Variants in ANKRD28 observed in about 807,000 individuals in gnomAD.
ANKRD28 encodes the protein serine/threonine-protein phosphatase 6 regulatory ankyrin repeat subunit A.
ANKRD28 carries 44 observed loss-of-function variants against 126.5 expected under a neutral mutation model. The observed-to-expected ratio is 0.35, with a 90% confidence interval of 0.27 to 0.45. ANKRD28 has a LOEUF of 0.45. Among genes scored for constraint, ANKRD28 ranks in the 20% least tolerant of loss-of-function variants. The probability of loss-of-function intolerance (pLI) is 1.00; values close to 1 mark genes in which losing one functional copy is unlikely to be tolerated. For missense variants in ANKRD28, 1,110 were observed against 1,316.6 expected (o/e 0.84, Z 2.43); for synonymous variants, 442 against 468.5 (o/e 0.94, Z 0.73).
chr3:15,766,817 C>T (rs1487847828), intron 2 of ANKRD28, among the ~76,000 whole-genome samples: 1 of 152,064 alleles, frequency 6.6e-6, no homozygotes, highest in African/African-American at 2.4e-5. Context: ...AAAGAAATAG[C>T]AACACTTTCT....
intron 3 of ANKRD28, among the ~76,000 whole-genome samples, chr3:15,760,608 G>GTAT (rs1412199516): frequency 1.3e-5 from 2 of 152,138 alleles, no homozygotes; most frequent in African/African-American, 4.8e-5. Context: ...GAATTCATGA[G>GTAT]CTACTCTATA....
chr3:15,761,025 T>G (rs2058430229), intron 3 of ANKRD28, among the ~76,000 whole-genome samples: 1 of 152,174 alleles, frequency 6.6e-6, no homozygotes, highest in Non-Finnish European at 1.5e-5. Context: ...AGGAAATGAC[T>G]CTAAAATAAT....
At chr3:15,679,420 A>G in intron 22 of ANKRD28, 36 bp from the exon 23 acceptor site, 2 of 1,612,896 alleles carry the variant, frequency 1.2e-6, no homozygotes, top group Non-Finnish European at 1.7e-6. Context: ...TCTCACAGCA[A>G]TGGTGTATTT....
Position 15,797,297 on chromosome 3 carries a change from T to C in ANKRD28, c.-776A>G. The C allele has an allele frequency of 2.0e-6, 2 of 985,252 alleles. No individual in the cohort carries two copies. Among genetic ancestry groups the C allele is most frequent in the Non-Finnish European group, 2.4e-6 (2 of 829,900 alleles). 61.0% of individuals were successfully genotyped at this position (985,252 alleles called of 1,614,324 possible). A position where few individuals can be genotyped will look rare whatever the true frequency, so the allele number is the denominator to read the frequency against. On this transcript the variant is annotated 5_prime_UTR_variant, in exon 1 of 28. Coordinates refer to ENST00000683139, the MANE Select transcript of ANKRD28 (RefSeq NM_001349278.2). ...AGACCACAAGAGACAATACGACTCT[T>C]GGTACTAGAATACAGCTTGATTAAT...
intron 2 of ANKRD28, among the ~76,000 whole-genome samples, chr3:15,785,312 A>G (rs189895236): frequency 5.3e-5 from 8 of 152,208 alleles, no homozygotes; most frequent in African/African-American, 1.9e-4. Flanking sequence ...TTTCCAAAAG[A>G]CCTATCAGAT....
intron 7 of ANKRD28, among the ~76,000 whole-genome samples, chr3:15,722,301 T>G (rs1267882132): frequency 6.6e-6 from 1 of 152,090 alleles, no homozygotes; most frequent in Non-Finnish European, 1.5e-5. Flanking sequence ...AAACCGAAAA[T>G]GAAGCTCAGG....
At chr3:15,688,722 G>C (rs1033636349) in intron 18 of ANKRD28, among the ~76,000 whole-genome samples, 8 of 152,218 alleles carry the variant, frequency 5.3e-5, no homozygotes, top group African/African-American at 1.7e-4. Flanking sequence ...AAAATAGAGA[G>C]TTGTGAATCT....
intron 16 of ANKRD28, 115 bp from the exon 17 acceptor site, chr3:15,694,928 T>C (rs1319987538): frequency 1.0e-6 from 1 of 959,062 alleles, no homozygotes. Context: ...AGCAAACTTA[T>C]AAAACATGAT....
In ANKRD28 at chr3:15,797,309, A is replaced by G. The variant is rs2060323496; in HGVS notation, c.-788T>C. The G allele has an allele frequency of 1.0e-6, 1 of 985,256 alleles. No homozygotes were observed. The highest frequency in any genetic ancestry group is 4.7e-5 in the South Asian group (1 of 21,294). 61.0% of individuals were successfully genotyped at this position (985,256 alleles called of 1,614,324 possible). On this transcript the variant is annotated 5_prime_UTR_variant, in exon 1 of 28. Coordinates refer to ENST00000683139, the MANE Select transcript of ANKRD28 (RefSeq NM_001349278.2). ...ACAATACGACTCTTGGTACTAGAAT[A>G]CAGCTTGATTAATCCAGGTTTCCCA... is the stretch of plus-strand genomic sequence containing the variant.
intron 2 of ANKRD28, among the ~76,000 whole-genome samples, chr3:15,774,096 A>T (rs555945093): frequency 1.3e-5 from 2 of 152,322 alleles, no homozygotes; most frequent in Admixed American, 6.5e-5. Context: ...ATCACATGCC[A>T]CAAAATTAAC....
chr3:15,854,420 C>T lies in ANKRD28; in HGVS notation c.27+4957G>A, dbSNP rs1378082213. The stretch of plus-strand genomic sequence containing the variant: ...ACTTCTGGTGAACCTAAAATACCTC[C>T]CCTGCCATGAGGGTTTCCCTCCACT... On this transcript the variant is annotated intron_variant, in intron 1 of 27. Coordinates refer to the ANKRD28 transcript ENST00000399451. This position sits in a 1 kb window ranked among gnomAD's most constrained non-coding sequence, Gnocchi z 4.1. Among the ~76,000 whole-genome samples the T allele has an allele frequency of 6.6e-6, 1 of 152,116 alleles. No individual in the cohort carries two copies. Among genetic ancestry groups the T allele is most frequent in the African/African-American group, 2.4e-5 (1 of 41,408 alleles).
chr3:15,851,925 T>G (rs191865837), intron 1 of ANKRD28, among the ~76,000 whole-genome samples: 1 of 152,172 alleles, frequency 6.6e-6, no homozygotes, highest in Non-Finnish European at 1.5e-5. Flanking sequence ...ATCCATACAA[T>G]GGAATATTAT....
intron 14 of ANKRD28, among the ~76,000 whole-genome samples, chr3:15,705,699 GC>G (rs1348741241): frequency 2.6e-5 from 4 of 152,000 alleles, no homozygotes; most frequent in South Asian, 2.1e-4. Context: ...CATTACTATT[GC>G]CTTTAAGATT....
intron 1 of ANKRD28, among the ~76,000 whole-genome samples, chr3:15,810,654 C>T (rs185496125): frequency 1.3e-4 from 19 of 150,480 alleles, no homozygotes; most frequent in African/African-American, 4.4e-4. Flanking sequence ...AGCATCAACA[C>T]TACATGAGTT....
At chr3:15,807,653 C>T (rs531588786) in intron 1 of ANKRD28, among the ~76,000 whole-genome samples, 23 of 152,206 alleles carry the variant, frequency 1.5e-4, no homozygotes, top group Non-Finnish European at 3.2e-4. Flanking sequence ...ACTAGAATAC[C>T]TTCAAGAAGG....
At chr3:15,689,368 G>C (rs1005957134) in intron 18 of ANKRD28, among the ~76,000 whole-genome samples, 1 of 152,192 alleles carries the variant, frequency 6.6e-6, no homozygotes, top group Non-Finnish European at 1.5e-5. Flanking sequence ...CAGTAGGTGT[G>C]ACATAGAATT....
Position 15,796,443 on chromosome 3 carries a change from T to C in ANKRD28, c.79A>G (p.Asn27Asp), listed in dbSNP as rs2060277808. ...PAFISKLPQENKSLHSPPSGN... is the reference protein window; with the variant it reads ...PAFISKLPQEDKSLHSPPSGN... ...GAAGGTGGAGAATGTAGGGATTTAT[T>C]TTCCTGTGGCAATTTAGAAATGAAT... The change falls in exon 1 of 28, where the codon AAT (asparagine) becomes GAT (aspartate). Residue 27 changes from asparagine (N) to aspartate (D), a missense_variant. By Grantham distance (23) the Asn-to-Asp change is conservative. Transcript: ENST00000683139. 1 of 1,288,494 alleles carries C rather than the reference T, an allele frequency of 7.8e-7. No homozygotes were observed. The highest frequency in any genetic ancestry group is 1.2e-5 in the South Asian group (1 of 80,902). The allele number at this position is 1,288,494 out of a possible 1,614,324, so 79.8% of individuals were successfully genotyped here.
chr3:15,791,106 A>T (rs2060002669), intron 2 of ANKRD28, among the ~76,000 whole-genome samples: 1 of 152,162 alleles, frequency 6.6e-6, no homozygotes, highest in South Asian at 2.1e-4. Context: ...ACAATAAAAC[A>T]CGAATGAAGA....
chr3:15,810,947 G>GCCT (rs1339044661), intron 1 of ANKRD28, among the ~76,000 whole-genome samples: 4 of 152,118 alleles, frequency 2.6e-5, no homozygotes, highest in African/African-American at 9.7e-5. Flanking sequence ...GGCAAACCAA[G>GCCT]CCTACTGTGA....
Sources: allele counts gnomAD v4.1 joint callset (sites outside exome capture counted in the v4.1 genomes callset), GRCh38; gene constraint gnomAD v4.1.1; non-coding constraint Gnocchi (gnomAD v3.1); transcripts MANE v1.5; gene names NCBI Gene and HGNC (gene_info 2026-07-23, HGNC 2026-07-21).